The following PRKN variants were observed in gnomAD, a reference collection of about 807,000 sequenced individuals.
PRKN encodes the protein parkin RBR E3 ubiquitin protein ligase, also known as E3 ubiquitin-protein ligase parkin.
Under a neutral mutation model 59.5 loss-of-function variants are expected in PRKN, and 56 were observed. The observed-to-expected ratio is 0.94, with a 90% confidence interval of 0.76 to 1.18. The LOEUF (loss-of-function observed/expected upper bound fraction) is 1.18. Among genes scored for constraint, PRKN ranks in the 50% most tolerant of loss-of-function variants. PRKN has a pLI of 0.00. For missense variants in PRKN, 657 were observed against 596.4 expected (o/e 1.10, Z -1.06); for synonymous variants, 250 against 222.1 (o/e 1.13, Z -1.12).
intron 4 of PRKN, among the ~76,000 whole-genome samples, chr6:162,054,652 T>C (rs1247452275): frequency 6.6e-6 from 1 of 152,150 alleles, no homozygotes; most frequent in Non-Finnish European, 1.5e-5. Context: ...CCCTGAGGCA[T>C]CCCAGCACCT....
At chr6:161,595,316 C>T (rs753626873) in intron 7 of PRKN, among the ~76,000 whole-genome samples, 2 of 151,978 alleles carry the variant, frequency 1.3e-5, no homozygotes, top group East Asian at 3.9e-4. Context: ...CCAAAGGAAC[C>T]CACAGTGTGG....
At chr6:161,845,812 C>T (rs1051480331) in intron 6 of PRKN, among the ~76,000 whole-genome samples, 1 of 152,172 alleles carries the variant, frequency 6.6e-6, no homozygotes, top group Non-Finnish European at 1.5e-5. Context: ...TTGATCTGAT[C>T]CATGACAGGG....
intron 9 of PRKN, among the ~76,000 whole-genome samples, chr6:161,421,478 AAATT>A (rs1159449643): frequency 2.0e-5 from 3 of 152,188 alleles, no homozygotes; most frequent in African/African-American, 7.2e-5. Flanking sequence ...TCTTCACTAA[AAATT>A]AAGCAGGACC....
intron 6 of PRKN, among the ~76,000 whole-genome samples, chr6:161,875,376 T>G (rs1794696898): frequency 6.6e-6 from 1 of 151,632 alleles, no homozygotes; most frequent in African/African-American, 2.4e-5. Flanking sequence ...GTATTTTTTG[T>G]AGAGACGGGG....
At position 161,527,546 on chromosome 6, in the gene PRKN, T is replaced by C. The variant is rs758325192; in HGVS notation, c.1083+21308A>G. Among the ~76,000 whole-genome samples, 2 of 152,182 alleles carry C rather than the reference T, an allele frequency of 1.3e-5. No homozygotes were observed. The highest frequency in any genetic ancestry group is 2.9e-5 in the Non-Finnish European group (2 of 68,036). On this transcript the variant is annotated intron_variant, in intron 9 of 11. Transcript: ENST00000366898. The surrounding 1 kb of genome is among the most constrained non-coding windows in gnomAD (Gnocchi z 4.6). The stretch of plus-strand genomic sequence containing the variant: ...TTCTGCTACCAAGTGCTGTGGCCTC[T>C]CTCTGCCTGAGGGGTGGAGTGAGGA...
intron 5 of PRKN, among the ~76,000 whole-genome samples, chr6:162,008,613 C>T (rs1271646519): frequency 6.6e-6 from 1 of 152,038 alleles, no homozygotes; most frequent in Admixed American, 6.6e-5. Context: ...GGTATCACAC[C>T]TCAGTTATCA....
intron 7 of PRKN, among the ~76,000 whole-genome samples, chr6:161,780,903 A>G (rs530112226): frequency 6.6e-6 from 1 of 152,352 alleles, no homozygotes; most frequent in South Asian, 2.1e-4. Flanking sequence ...TCTTTGCATA[A>G]TATAGGGAAA....
intron 7 of PRKN, among the ~76,000 whole-genome samples, chr6:161,732,578 G>A (rs1160554303): frequency 2.0e-5 from 3 of 151,926 alleles, no homozygotes; most frequent in African/African-American, 7.3e-5. Context: ...GATGCATACA[G>A]TGTACACGAT....
intron 7 of PRKN, chr6:161,783,627 G>C (rs1457670491): frequency 2.0e-6 from 1 of 500,280 alleles, no homozygotes; most frequent in African/African-American, 2.0e-5. Flanking sequence ...GGGAAGACTT[G>C]AAAATGTGTG....
intron 5 of PRKN, among the ~76,000 whole-genome samples, chr6:162,011,029 A>AATAT (rs796766676): frequency 0.041 from 181 of 4,392 alleles, 45 homozygotes; most frequent in Middle Eastern, 0.25. Context: ...TATAATATAT[A>AATAT]ATTATAATAT....
intron 1 of PRKN, among the ~76,000 whole-genome samples, chr6:162,542,113 G>C (rs553177850): frequency 3.3e-5 from 5 of 152,236 alleles, no homozygotes; most frequent in African/African-American, 1.2e-4. Flanking sequence ...TCAGATGACA[G>C]GGATTACAGG....
At chr6:161,567,287 A>T (rs1312868451) in intron 8 of PRKN, among the ~76,000 whole-genome samples, 1 of 152,052 alleles carries the variant, frequency 6.6e-6, no homozygotes, top group Admixed American at 6.6e-5. Context: ...GCCTCAAATG[A>T]TCTGCCTGCC....
intron 6 of PRKN, among the ~76,000 whole-genome samples, chr6:161,963,646 T>C (rs1259698526): frequency 6.6e-6 from 1 of 152,248 alleles, no homozygotes; most frequent in Non-Finnish European, 1.5e-5. Context: ...TTCTGACTAA[T>C]TCATTGTTTT....
chr6:162,137,070 CTA>C (rs1781586130), intron 4 of PRKN, among the ~76,000 whole-genome samples: 1 of 151,904 alleles, frequency 6.6e-6, no homozygotes, highest in Admixed American at 6.6e-5. Flanking sequence ...TAATGAGACT[CTA>C]AAAGAAACAC....
intron 2 of PRKN, among the ~76,000 whole-genome samples, chr6:162,407,155 C>T (rs988228397): frequency 1.3e-5 from 2 of 152,070 alleles, no homozygotes; most frequent in African/African-American, 4.8e-5. Context: ...CTGCTCTTGC[C>T]CTCACTCACT....
intron 6 of PRKN, among the ~76,000 whole-genome samples, chr6:161,958,995 C>G (rs1047864872): frequency 5.9e-5 from 9 of 152,152 alleles, no homozygotes; most frequent in Non-Finnish European, 1.2e-4. Flanking sequence ...TATTATTCCA[C>G]TAAGTGGTAT....
rs150513892 is a variant in PRKN at position 161,640,699 on chromosome 6, C to T, written c.872-71283G>A. 9.2e-4 allele frequency among the ~76,000 whole-genome samples: 140 copies of T among 152,196 alleles called. 1 individual carries two copies. Among genetic ancestry groups the T allele is most frequent in the African/African-American group, 2.7e-3 (114 of 41,496 alleles). ...GGTTTCTTTCAGGAAAGGAAAGACA[C>T]CAAGTGAAGGGAAACTATTCAGGCT... On this transcript the variant is annotated intron_variant, in intron 7 of 11. Transcript: ENST00000366898.
intron 2 of PRKN, among the ~76,000 whole-genome samples, chr6:162,321,303 A>G (rs1046167565): frequency 1.3e-5 from 2 of 151,924 alleles, no homozygotes; most frequent in Non-Finnish European, 2.9e-5. Context: ...AAGGCTAAAC[A>G]CAAGGACCTA....
chr6:162,101,420 G>A (rs962390211), intron 4 of PRKN, among the ~76,000 whole-genome samples: 6 of 151,778 alleles, frequency 4.0e-5, no homozygotes, highest in African/African-American at 1.5e-4. Flanking sequence ...TGTAATCCCA[G>A]CACTTTGGGA....
Sources: gnomAD v4.1 joint callset for allele counts (sites outside exome capture counted in the v4.1 genomes callset) on GRCh38, gnomAD v4.1.1 for gene constraint, Gnocchi (gnomAD v3.1) non-coding constraint, MANE v1.5 for transcripts, NCBI Gene and HGNC (gene_info 2026-07-23, HGNC 2026-07-21) for gene names.